The following ABCA13 variants were observed in gnomAD, a reference collection of about 807,000 sequenced individuals.
ABCA13 encodes ATP-binding cassette sub-family A member 13.
A neutral mutation model predicts 478.7 loss-of-function variants in ABCA13; 476 were observed. The ratio of observed to expected loss-of-function variants is 0.99; its 90% CI spans 0.92 to 1.07. The LOEUF (loss-of-function observed/expected upper bound fraction) is 1.07. ABCA13 is among the 50% of genes least tolerant of loss of function. ABCA13 has a pLI of 0.00. For missense variants in ABCA13, 6,060 were observed against 5,910.6 expected (o/e 1.03, Z -0.83); for synonymous variants, 2,252 against 2,158.9 (o/e 1.04, Z -1.20).
chr7:48,554,637 T>G (rs12674401), intron 55 of ABCA13, among the ~76,000 whole-genome samples: 21,022 of 151,572 alleles, frequency 0.14, 1,831 homozygotes, highest in African/African-American at 0.23. Flanking sequence ...TTCACTGTTG[T>G]CATGTAGAAA....
intron 27 of ABCA13, among the ~76,000 whole-genome samples, chr7:48,318,930 T>C (rs1317931013): frequency 1.3e-5 from 2 of 152,208 alleles, no homozygotes; most frequent in Non-Finnish European, 2.9e-5. Context: ...GTATAACAAT[T>C]AGTGTGATGA....
intron 15 of ABCA13, among the ~76,000 whole-genome samples, chr7:48,253,312 G>A (rs150763453): frequency 1.3e-5 from 2 of 152,194 alleles, no homozygotes; most frequent in Admixed American, 6.5e-5. Context: ...CAGTCACTTC[G>A]GCAGCCCCTA....
At chr7:48,180,782 G>T (rs1381711500) in intron 1 of ABCA13, among the ~76,000 whole-genome samples, 1 of 152,058 alleles carries the variant, frequency 6.6e-6, no homozygotes, top group East Asian at 1.9e-4. Context: ...CATGCTTGTA[G>T]TCCCAGTTAC....
At chr7:48,352,605 C>A in intron 31 of ABCA13, 118 bp downstream of exon 31, 1 of 1,198,940 alleles carries the variant, frequency 8.3e-7, no homozygotes, top group Non-Finnish European at 1.1e-6. Flanking sequence ...AAAAAGTTCA[C>A]CCCCCACTTT....
chr7:48,410,744 T>G (rs931951150), intron 40 of ABCA13, 67 bp downstream of exon 40: 3 of 1,559,438 alleles, frequency 1.9e-6, no homozygotes, highest in Non-Finnish European at 2.6e-6. Flanking sequence ...AAACAAGTGG[T>G]GACAGTTACA....
intron 42 of ABCA13, among the ~76,000 whole-genome samples, chr7:48,448,903 C>T (rs1297179090): frequency 6.6e-6 from 1 of 152,104 alleles, no homozygotes; most frequent in Non-Finnish European, 1.5e-5. Context: ...ACTGTAGTGG[C>T]GTGATCTTGG....
At chr7:48,619,328 G>GA (rs1232366430) in intron 59 of ABCA13, among the ~76,000 whole-genome samples, 12 of 150,134 alleles carry the variant, frequency 8.0e-5, no homozygotes, top group Middle Eastern at 3.4e-3. Flanking sequence ...GGGCCTCTGA[G>GA]AAAAAAAAAT....
At chr7:48,213,645 A>G (rs1023884476) in intron 3 of ABCA13, among the ~76,000 whole-genome samples, 12 of 152,222 alleles carry the variant, frequency 7.9e-5, no homozygotes, top group African/African-American at 2.9e-4. Flanking sequence ...TCTCTGTAGC[A>G]TATGATGCTG....
At chr7:48,558,237 C>G (rs1334887892) in intron 55 of ABCA13, among the ~76,000 whole-genome samples, 1 of 133,584 alleles carries the variant, frequency 7.5e-6, no homozygotes, top group Non-Finnish European at 1.6e-5. Context: ...TTCTCTTTCT[C>G]TCTTTTTTCT....
At chr7:48,531,912 G>A (rs1447484656) in intron 55 of ABCA13, among the ~76,000 whole-genome samples, 1 of 151,808 alleles carries the variant, frequency 6.6e-6, no homozygotes, top group Non-Finnish European at 1.5e-5. Flanking sequence ...AGTCTTTAGG[G>A]TTTTCTACGT....
intron 1 of ABCA13, among the ~76,000 whole-genome samples, chr7:48,174,901 T>G (rs1158801071): frequency 1.3e-5 from 2 of 152,232 alleles, no homozygotes; most frequent in African/African-American, 4.8e-5. Flanking sequence ...TTCCTTATGT[T>G]GAGGATTAAG....
intron 35 of ABCA13, among the ~76,000 whole-genome samples, chr7:48,379,538 A>G (rs1340692630): frequency 6.6e-6 from 1 of 152,216 alleles, no homozygotes; most frequent in East Asian, 1.9e-4. Flanking sequence ...GCATGAATGC[A>G]TCGGAACACA....
chr7:48,253,897 C>CT (rs201562067), intron 15 of ABCA13, among the ~76,000 whole-genome samples: 134 of 151,146 alleles, frequency 8.9e-4, no homozygotes, highest in African/African-American at 3.0e-3. Context: ...ACCTCAATTT[C>CT]TTTTTTTTTC....
chr7:48,186,006 C>T (rs569657497), intron 1 of ABCA13, among the ~76,000 whole-genome samples: 1 of 151,936 alleles, frequency 6.6e-6, no homozygotes, highest in South Asian at 2.1e-4. Context: ...TTAAAGTCTT[C>T]TTTGTTTGAT....
chr7:48,397,276 A>G (rs957696392), intron 38 of ABCA13, among the ~76,000 whole-genome samples: 1 of 152,134 alleles, frequency 6.6e-6, no homozygotes, highest in African/African-American at 2.4e-5. Flanking sequence ...AGATACTCCA[A>G]GAGATATTGC....
chr7:48,323,289 A>G (rs193069529), intron 27 of ABCA13, among the ~76,000 whole-genome samples: 1 of 152,304 alleles, frequency 6.6e-6, no homozygotes, highest in Admixed American at 6.5e-5. Flanking sequence ...GCCTAGAAGA[A>G]TGCTAGGAAT....
intron 55 of ABCA13, among the ~76,000 whole-genome samples, chr7:48,538,026 T>C (rs543957941): frequency 5.3e-5 from 8 of 149,794 alleles, no homozygotes; most frequent in African/African-American, 1.7e-4. Context: ...ATGATTTTAA[T>C]ATAGTATTTT....
At chr7:48,299,625 A>C (rs1799869491) in intron 23 of ABCA13, among the ~76,000 whole-genome samples, 2 of 152,176 alleles carry the variant, frequency 1.3e-5, no homozygotes, top group South Asian at 4.2e-4. Flanking sequence ...GGAAGGAGTA[A>C]TCGGAGCAGC....
chr7:48,518,208 G>A (rs539027043), intron 52 of ABCA13, among the ~76,000 whole-genome samples: 1 of 152,304 alleles, frequency 6.6e-6, no homozygotes, highest in East Asian at 1.9e-4. Flanking sequence ...AATCAGTAGA[G>A]ATAGTGTACA....
Sources: allele counts gnomAD v4.1 joint callset (sites outside exome capture counted in the v4.1 genomes callset), GRCh38; gene constraint gnomAD v4.1.1; transcripts MANE v1.5; gene names NCBI Gene and HGNC (gene_info 2026-07-23, HGNC 2026-07-21).